ZYG11A: variants seen among roughly 807,000 people sequenced by gnomAD.
The protein encoded by ZYG11A is zyg-11 family member A, cell cycle regulator, also known as protein zyg-11 homolog A.
ZYG11A carries 62 observed loss-of-function variants against 77.2 expected under a neutral mutation model. That is an observed-to-expected ratio of 0.80 (90% confidence interval 0.65 to 0.99). ZYG11A has a LOEUF of 0.99. Ranked by LOEUF, ZYG11A falls within the 50% of genes least tolerant of loss-of-function variation. The pLI, the probability that ZYG11A is intolerant of heterozygous loss-of-function variation, is 0.00. For missense variants in ZYG11A, 828 were observed against 896.8 expected (o/e 0.92, Z 0.98); for synonymous variants, 315 against 324.6 (o/e 0.97, Z 0.32).
chr1:52,878,968 AAAAAAAAC>A (rs1376650937), intron 10 of ZYG11A, among the ~76,000 whole-genome samples: 2,353 of 147,786 alleles, frequency 0.016, 98 homozygotes, highest in Non-Finnish European at 0.027. Context: ...AAAAAAAAAA[AAAAAAAAC>A]AAACCAAAAA....
chr1:52,845,338 C>T (rs1332851382), intron 1 of ZYG11A, among the ~76,000 whole-genome samples: 1 of 142,510 alleles, frequency 7.0e-6, no homozygotes, highest in Non-Finnish European at 1.5e-5. Flanking sequence ...CGGAGCCTTG[C>T]TCTGTCACTC....
chr1:52,877,922 C>T lies in ZYG11A; in HGVS notation c.1705-3C>T. 1 of 1,551,482 alleles carries T rather than the reference C, an allele frequency of 6.4e-7. No homozygotes were observed. Among genetic ancestry groups the T allele is most frequent in the South Asian group, 1.2e-5 (1 of 84,044 alleles). On this transcript the variant is annotated splice_region_variant and splice_polypyrimidine_tract_variant and intron_variant, in intron 9 of 13. Transcript: ENST00000371528. ...AACCTGTATGTATATATTTTTTTGACAGACCTTTTCAGAGTCAGCAATACA... is the reference window on the plus strand; with the variant it reads ...AACCTGTATGTATATATTTTTTTGATAGACCTTTTCAGAGTCAGCAATACA...
In ZYG11A at chr1:52,863,983, T is replaced by G; in HGVS notation, c.1152T>G (p.Leu384=). Residue 384 remains leucine, a splice_region_variant and synonymous_variant, in exon 5 of 14, where the codon CTT becomes CTG. Transcript: ENST00000371528. ...ACTAAAAACAAGTTCATCTTCAGCT[T>G]GTGGCTATAGGAATGAGGAATCACC... The part of the protein sequence containing the change: ...MEVTMPAILK[L]VAIGMRNHPL... 6.5e-7 allele frequency: 1 copy of G among 1,548,816 alleles called. No homozygotes were observed. The highest frequency in any genetic ancestry group is 8.7e-7 in the Non-Finnish European group (1 of 1,145,418).
chr1:52,858,780 T>A (rs570005007), intron 3 of ZYG11A, among the ~76,000 whole-genome samples: 36 of 151,732 alleles, frequency 2.4e-4, no homozygotes, highest in African/African-American at 8.5e-4. Flanking sequence ...ACCTGGCTAA[T>A]TTTTTGTATT....
Position 52,893,165 on chromosome 1 carries a change from C to T in ZYG11A, c.*208C>T, listed in dbSNP as rs1646574313. ...GACTCATTCTGCAGCCTTTCAGCAG[C>T]AATTTTGAAGACTCAAACCGTGGAC... On this transcript the variant is annotated 3_prime_UTR_variant, in exon 14 of 14. Transcript: ENST00000371528. 3.8e-6 allele frequency: 2 copies of T among 524,682 alleles called. No individual in the cohort carries two copies. The highest frequency in any genetic ancestry group is 4.9e-5 in the South Asian group (2 of 40,996). The allele number at this position is 524,682 out of a possible 1,614,324, so 32.5% of individuals were successfully genotyped here.
At chr1:52,875,418 G>C (rs1003121636) in intron 8 of ZYG11A, among the ~76,000 whole-genome samples, 3 of 152,202 alleles carry the variant, frequency 2.0e-5, no homozygotes, top group African/African-American at 7.2e-5. Context: ...CACGAGAAGA[G>C]TTCTAAAGAG....
chr1:52,883,786 C>G (rs1418533445), intron 11 of ZYG11A, among the ~76,000 whole-genome samples: 2 of 151,736 alleles, frequency 1.3e-5, no homozygotes, highest in African/African-American at 2.4e-5. Context: ...GCTTTTTTTC[C>G]TATTTATTTT....
At chr1:52,886,360 T>G (rs572723410) in intron 12 of ZYG11A, among the ~76,000 whole-genome samples, 1 of 152,288 alleles carries the variant, frequency 6.6e-6, no homozygotes, top group African/African-American at 2.4e-5. Flanking sequence ...CAGCTTTCCT[T>G]GTCTGTAAAA....
intron 13 of ZYG11A, among the ~76,000 whole-genome samples, chr1:52,890,207 C>G (rs1452104199): frequency 3.5e-5 from 5 of 141,926 alleles, no homozygotes; most frequent in Admixed American, 7.1e-5. Flanking sequence ...CAGATAGTTA[C>G]TTACTTTATT....
chr1:52,890,864 C>A (rs1646532854), intron 13 of ZYG11A, among the ~76,000 whole-genome samples: 1 of 151,940 alleles, frequency 6.6e-6, no homozygotes, highest in South Asian at 2.1e-4. Context: ...ACCACTATGT[C>A]TGGCCTATTT....
intron 6 of ZYG11A, 34 bp downstream of exon 6, chr1:52,866,601 T>C: frequency 2.2e-6 from 3 of 1,350,872 alleles, no homozygotes; most frequent in Non-Finnish European, 3.1e-6. Context: ...GACTGGGGTG[T>C]TGGCCTTTGG....
chr1:52,869,954 CG>C (rs552529799), intron 8 of ZYG11A, among the ~76,000 whole-genome samples: 1 of 127,604 alleles, frequency 7.8e-6, no homozygotes, highest in East Asian at 2.1e-4. Context: ...GCTGGCCGGG[CG>C]GGGGGCTGAC....
At chr1:52,892,644 T>A (rs1197458641) in intron 13 of ZYG11A, 138 bp from the exon 14 acceptor site, 9 of 711,440 alleles carry the variant, frequency 1.3e-5, no homozygotes, top group South Asian at 3.9e-5. Context: ...GCTTTAGAAT[T>A]GACTCATTTT....
At chr1:52,886,212 G>A (rs13373842) in intron 12 of ZYG11A, among the ~76,000 whole-genome samples, 2,752 of 152,210 alleles carry the variant, frequency 0.018, 58 homozygotes, top group African/African-American at 0.048. Context: ...GATTACAGGC[G>A]TGAGCCACCG....
intron 13 of ZYG11A, among the ~76,000 whole-genome samples, chr1:52,888,220 C>G (rs1157575701): frequency 6.6e-6 from 1 of 152,048 alleles, no homozygotes; most frequent in Non-Finnish European, 1.5e-5. Context: ...GATGGAATGA[C>G]CTATTAGATA....
chr1:52,866,466 C>G, intron 5 of ZYG11A, 37 bp from the exon 6 acceptor site: 2 of 1,173,932 alleles, frequency 1.7e-6, no homozygotes, highest in Non-Finnish European at 2.5e-6. Context: ...TGGAATGTTA[C>G]ATTTGTTCAA....
intron 12 of ZYG11A, among the ~76,000 whole-genome samples, chr1:52,886,408 A>C (rs576855272): frequency 6.6e-6 from 1 of 152,328 alleles, no homozygotes; most frequent in African/African-American, 2.4e-5. Context: ...ATGCAATGAG[A>C]TACTGATCAT....
rs554470320 is a variant in ZYG11A, at chr1:52,879,578, A to G, written c.1749+1609A>G. Among the ~76,000 whole-genome samples the G allele has an allele frequency of 2.6e-5, 4 of 151,992 alleles. No homozygotes were observed. The South Asian group carries it at 8.3e-4, about 32-fold the overall frequency. On this transcript the variant is annotated intron_variant, in intron 10 of 13. Coordinates refer to ENST00000371528, the MANE Select transcript of ZYG11A (RefSeq NM_001004339.3). ...GGGAAGATTATTTATAATGTAATCAATAAGTGTAATCATTGAGGAACACTG... is the reference window on the plus strand; with the variant it reads ...GGGAAGATTATTTATAATGTAATCAGTAAGTGTAATCATTGAGGAACACTG...
In ZYG11A at chr1:52,857,673, C is replaced by T. The variant is rs955786165; in HGVS notation, c.932C>T (p.Pro311Leu). The change falls in exon 3 of 14, where the codon CCT (proline) becomes CTT (leucine). Residue 311 changes from proline (P) to leucine (L), a missense_variant. Coordinates refer to ENST00000371528, the MANE Select transcript of ZYG11A (RefSeq NM_001004339.3). Reference protein sequence around the residue: ...EAVELFIRLRPAMQFVGLLAT... With the variant: ...EAVELFIRLRLAMQFVGLLAT... ...GTAGAACTGTTTATACGACTGCGGCCTGCCATGCAATTTGTGGGACTATTG... is the reference window on the plus strand; with the variant it reads ...GTAGAACTGTTTATACGACTGCGGCTTGCCATGCAATTTGTGGGACTATTG... The T allele has an allele frequency of 6.4e-6, 10 of 1,552,074 alleles. No homozygotes were observed. The Admixed American group carries it at 1.4e-4, about 21-fold the overall frequency.
Sources: allele counts gnomAD v4.1 joint callset (sites outside exome capture counted in the v4.1 genomes callset), GRCh38; gene constraint gnomAD v4.1.1; transcripts MANE v1.5; gene names NCBI Gene and HGNC (gene_info 2026-07-23, HGNC 2026-07-21).